The following SPAG17 variants were observed in gnomAD, a reference collection of about 807,000 sequenced individuals.
The protein encoded by SPAG17 is sperm-associated antigen 17.
Under a neutral mutation model 273.6 loss-of-function variants are expected in SPAG17, and 169 were observed. That is an observed-to-expected ratio of 0.62 (90% CI 0.55 to 0.70). SPAG17 has a LOEUF of 0.70. SPAG17 is among the 30% of genes least tolerant of loss of function. The pLI, the probability that SPAG17 is intolerant of heterozygous loss-of-function variation, is 0.00. For missense variants in SPAG17, 2,557 were observed against 2,627.8 expected (o/e 0.97, Z 0.59); for synonymous variants, 825 against 873.2 (o/e 0.94, Z 0.97).
At chr1:118,092,088 A>G (rs182220728) in intron 8 of SPAG17, 86 bp from the exon 9 acceptor site, 3 of 1,068,504 alleles carry the variant, frequency 2.8e-6, no homozygotes, top group Admixed American at 3.5e-5. Context: ...GAGATCCAAC[A>G]GGATACTCAG....
At chr1:117,954,805 G>A (rs1352203975) in intron 48 of SPAG17, among the ~76,000 whole-genome samples, 2 of 152,074 alleles carry the variant, frequency 1.3e-5, no homozygotes, top group East Asian at 3.8e-4. Context: ...GACCACTTTA[G>A]TGTGACTTCC....
intron 13 of SPAG17, among the ~76,000 whole-genome samples, chr1:118,081,884 C>T (rs1654608083): frequency 6.6e-6 from 1 of 152,210 alleles, no homozygotes; most frequent in Admixed American, 6.5e-5. Context: ...CAAACTGCTT[C>T]ATAGCTCAAT....
intron 27 of SPAG17, among the ~76,000 whole-genome samples, chr1:118,025,004 A>C (rs1335291402): frequency 2.6e-5 from 4 of 152,204 alleles, no homozygotes; most frequent in Middle Eastern, 3.2e-3. Context: ...AAAAGGAAAA[A>C]ACTGTTCAGT....
intron 36 of SPAG17, among the ~76,000 whole-genome samples, chr1:117,991,974 A>G (rs1657147581): frequency 6.6e-6 from 1 of 152,190 alleles, no homozygotes; most frequent in Non-Finnish European, 1.5e-5. Flanking sequence ...AACTAATAAT[A>G]CCCTGCTCTG....
At chr1:118,071,007 CA>C (rs1653522749) in intron 17 of SPAG17, among the ~76,000 whole-genome samples, 1 of 151,636 alleles carries the variant, frequency 6.6e-6, no homozygotes, top group Non-Finnish European at 1.5e-5. Flanking sequence ...GTCTTTCAGA[CA>C]GAAAATTAGA....
chr1:118,106,092 A>G (rs1465546501), intron 4 of SPAG17, among the ~76,000 whole-genome samples: 2 of 152,142 alleles, frequency 1.3e-5, no homozygotes, highest in Admixed American at 1.3e-4. Flanking sequence ...TCCTATGTAC[A>G]ATTTGTCTAC....
Position 117,981,410 on chromosome 1 carries a change from C to T in SPAG17, c.5873-9G>A. 6.3e-7 allele frequency: 1 copy of T among 1,589,890 alleles called. No individual in the cohort carries two copies. Among genetic ancestry groups the T allele is most frequent in the Non-Finnish European group, 8.5e-7 (1 of 1,174,098 alleles). On this transcript the variant is annotated splice_polypyrimidine_tract_variant and intron_variant, in intron 42 of 48. Coordinates refer to ENST00000336338, the MANE Select transcript of SPAG17 (RefSeq NM_206996.4). ...CTTATGTGGCTTGAAATCTAGAAAA[C>T]CCAAAATGAACCTTATAAAGTGATA...
chr1:118,145,371 A>T lies in SPAG17; in HGVS notation c.315+5172T>A, dbSNP rs193245342. Among the ~76,000 whole-genome samples, 13 of 152,264 alleles carry T rather than the reference A, an allele frequency of 8.5e-5. No individual in the cohort carries two copies. The East Asian group carries it at 2.5e-3, about 29-fold the overall frequency. Reference sequence around the variant, plus strand: ...CTGTGTTCTCACTTGTCAATTACTAATAAATACATGTTGGAAAAGACCTGA... The same window carrying T: ...CTGTGTTCTCACTTGTCAATTACTATTAAATACATGTTGGAAAAGACCTGA... On this transcript the variant is annotated intron_variant, in intron 3 of 48. Transcript: ENST00000336338.
At chr1:118,043,627 C>T (rs997623126) in intron 20 of SPAG17, among the ~76,000 whole-genome samples, 1 of 152,156 alleles carries the variant, frequency 6.6e-6, no homozygotes, top group Non-Finnish European at 1.5e-5. Context: ...CACATGGTAG[C>T]TTCAAATCAG....
In SPAG17 at chr1:118,005,354, T is replaced by C. The variant is rs573091987; in HGVS notation, c.4776+60A>G. 97 of 1,382,256 alleles carry C rather than the reference T, an allele frequency of 7.0e-5. No individual in the cohort carries two copies. The African/African-American group carries it at 1.3e-3, about 19-fold the overall frequency. The allele number at this position is 1,382,256 out of a possible 1,614,324, so 85.6% of individuals were successfully genotyped here. ...AAAAATCTACATGGAAGCTTTGTAG[T>C]GTGAAATATCTCAAAAGCAAAGCCA... On this transcript the variant is annotated intron_variant, in intron 32 of 48. Transcript: ENST00000336338.
chr1:118,113,477 T>A (rs944065053), intron 4 of SPAG17, among the ~76,000 whole-genome samples: 1 of 152,088 alleles, frequency 6.6e-6, no homozygotes, highest in Non-Finnish European at 1.5e-5. Flanking sequence ...TGCCTTCATC[T>A]CCCCTTTACC....
At position 117,996,316 on chromosome 1, in the gene SPAG17, G is replaced by T. The variant is rs567297441; in HGVS notation, c.5053+54C>A. 5 of 1,545,630 alleles carry T rather than the reference G, an allele frequency of 3.2e-6. No individual in the cohort carries two copies. In the East Asian group the frequency reaches 9.0e-5, roughly 28 times the overall value. On this transcript the variant is annotated intron_variant, in intron 34 of 48. Transcript: ENST00000336338. ...ATGAAGATAGACTGGATAGTAAGGA[G>T]GATGAGAATTGGCAAAGAGACACCG...
intron 28 of SPAG17, among the ~76,000 whole-genome samples, chr1:118,016,796 A>C (rs1304965146): frequency 2.0e-5 from 3 of 151,884 alleles, no homozygotes; most frequent in Admixed American, 6.6e-5. Flanking sequence ...TTTACCTCCC[A>C]CTCATTTGGA....
chr1:117,973,754 T>G (rs1170053826), intron 43 of SPAG17, among the ~76,000 whole-genome samples, 193 bp from the exon 44 acceptor site: 1 of 152,202 alleles, frequency 6.6e-6, no homozygotes, highest in African/African-American at 2.4e-5. Context: ...TACAAGGGTA[T>G]AATGCATGAT....
chr1:117,971,973 G>T lies in SPAG17; in HGVS notation c.6216C>A (p.Ser2072=). 1 of 1,614,074 alleles carries T rather than the reference G, an allele frequency of 6.2e-7. No individual in the cohort carries two copies. The highest frequency in any genetic ancestry group is 8.5e-7 in the Non-Finnish European group (1 of 1,179,978). The part of the protein sequence containing the change: ...ASAAINNAKS[S]LFGFHLLPSS... ...ATGGGAGAAGATGGAACCCAAAAAG[G>T]GATGACTTTGCATTATTAATGGCAG... The change falls in exon 45 of 49, where the codon TCC becomes TCA. Residue 2072 remains serine, a synonymous_variant. Coordinates refer to ENST00000336338, the MANE Select transcript of SPAG17 (RefSeq NM_206996.4).
intron 46 of SPAG17, among the ~76,000 whole-genome samples, chr1:117,967,234 G>A (rs981352980): frequency 3.4e-5 from 5 of 148,322 alleles, no homozygotes; most frequent in Non-Finnish European, 3.0e-5. Context: ...GGAGGCAGAG[G>A]TTTCAGTGAG....
At chr1:118,042,149 T>A in intron 20 of SPAG17, 107 bp from the exon 21 acceptor site, 3 of 1,319,206 alleles carry the variant, frequency 2.3e-6, no homozygotes, top group African/African-American at 1.5e-5. Flanking sequence ...TTAGTGTATC[T>A]CTGACAAATC....
At chr1:118,170,409 T>C (rs995082514) in intron 1 of SPAG17, among the ~76,000 whole-genome samples, 10 of 151,884 alleles carry the variant, frequency 6.6e-5, no homozygotes, top group African/African-American at 1.5e-4. Context: ...TGGGTTAGGG[T>C]TGCTAGGAAA....
intron 7 of SPAG17, 133 bp downstream of exon 7, chr1:118,097,537 T>C: frequency 1.8e-6 from 1 of 547,762 alleles, no homozygotes; most frequent in East Asian, 3.3e-5. Context: ...ATCATTATCC[T>C]GAAGATAAAA....
Sources: allele counts gnomAD v4.1 joint callset (sites outside exome capture counted in the v4.1 genomes callset), GRCh38; gene constraint gnomAD v4.1.1; transcripts MANE v1.5; gene names NCBI Gene and HGNC (gene_info 2026-07-23, HGNC 2026-07-21).